The following AP5Z1 variants were observed in gnomAD, a reference collection of about 807,000 sequenced individuals.
AP5Z1 encodes the protein AP-5 complex subunit zeta-1.
A neutral mutation model predicts 83.0 loss-of-function variants in AP5Z1; 106 were observed. The ratio of observed to expected loss-of-function variants is 1.28; its 90% CI spans 1.09 to 1.50. AP5Z1 has a LOEUF of 1.50. AP5Z1 is among the 40% of genes most tolerant of loss of function. AP5Z1 has a pLI of 0.00. For missense variants in AP5Z1, 1,565 were observed against 1,094.2 expected (o/e 1.43, Z -6.07); for synonymous variants, 751 against 514.1 (o/e 1.46, Z -6.23).
intron 4 of AP5Z1, 95 bp downstream of exon 4, chr7:4,783,555 G>A: frequency 6.5e-7 from 1 of 1,549,056 alleles, no homozygotes; most frequent in Non-Finnish European, 8.8e-7. Flanking sequence ...GGGGGCAGGT[G>A]GGGGACACGG....
chr7:4,776,554 T>C (rs1161633527), intron 1 of AP5Z1, among the ~76,000 whole-genome samples: 1 of 109,350 alleles, frequency 9.1e-6, no homozygotes, highest in African/African-American at 4.2e-5. Flanking sequence ...ACGTCTCTAC[T>C]GAAAATACAA....
rs1237413236 is a variant in AP5Z1 at position 4,793,311 on chromosome 7, A to G, written c.*1926A>G. 6.6e-6 allele frequency: 1 copy of G among 152,266 alleles called. No individual in the cohort carries two copies. The highest frequency in any genetic ancestry group is 1.5e-5 in the Non-Finnish European group (1 of 68,054). 9.4% of individuals were successfully genotyped at this position (152,266 alleles called of 1,614,324 possible). A position where few individuals can be genotyped will look rare whatever the true frequency, so the allele number is the denominator to read the frequency against. On this transcript the variant is annotated 3_prime_UTR_variant, in exon 17 of 17. Transcript: ENST00000649063. ...ATAGTTTTTCAGATTTACAGAAAAGATGATAAACCTTAGAAACATTATATG... is the reference window on the plus strand; with the variant it reads ...ATAGTTTTTCAGATTTACAGAAAAGGTGATAAACCTTAGAAACATTATATG...
At position 4,790,817 on chromosome 7, in the gene AP5Z1, C is replaced by T; in HGVS notation, c.2083C>T (p.Pro695Ser). The stretch of plus-strand genomic sequence containing the variant: ...CTCTGCTGCCCTGCCCAGGTGTCCC[C>T]CCCAGGTGGTCACCGTGCTGATGAC... ...RPSAALPRCPPQVVTVLMTTL... is the reference protein window; with the variant it reads ...RPSAALPRCPSQVVTVLMTTL... Residue 695 changes from proline (P) to serine (S), a missense_variant, in exon 16 of 17, where the codon CCC becomes TCC. Transcript: ENST00000649063. 2 of 1,609,374 alleles carry T rather than the reference C, an allele frequency of 1.2e-6. No individual in the cohort carries two copies. The highest frequency in any genetic ancestry group is 1.7e-5 in the Admixed American group (1 of 59,662).
chr7:4,787,867 C>G, intron 11 of AP5Z1, 91 bp downstream of exon 11: 1 of 1,409,720 alleles, frequency 7.1e-7, no homozygotes, highest in South Asian at 1.4e-5. Context: ...ACCCCTACAC[C>G]GGGGACCCTC....
chr7:4,790,474 G>T lies in AP5Z1; in HGVS notation c.1821G>T (p.Gln607His), dbSNP rs371548702. The T allele has an allele frequency of 1.2e-5, 20 of 1,613,106 alleles. No individual in the cohort carries two copies. The highest frequency in any genetic ancestry group is 1.7e-5 in the Non-Finnish European group (20 of 1,179,888). ...TTCTGGGCAGTGTGCTGAGTTCTCA[G>T]TTCCTGGCCCTGTGTACGCTGAAAC... ...AAGVHSVLSSQFLALCTLKPS... is the reference protein window; with the variant it reads ...AAGVHSVLSSHFLALCTLKPS... The change falls in exon 15 of 17, where the codon CAG becomes CAT. Residue 607 changes from glutamine to histidine, a missense_variant. Gln to His is a conservative substitution (Grantham distance 24). Transcript: ENST00000649063.
intron 12 of AP5Z1, chr7:4,788,523 C>T (rs1302812089): frequency 3.5e-6 from 2 of 574,160 alleles, no homozygotes; most frequent in African/African-American, 1.9e-5. Context: ...CCCTCATAAG[C>T]TTGGAGGTTG....
In AP5Z1 at chr7:4,789,790, G is replaced by A. The variant is rs894790365; in HGVS notation, c.1708-42G>A. 1.1e-5 allele frequency: 16 copies of A among 1,505,688 alleles called. No homozygotes were observed. In the African/African-American group the frequency reaches 1.7e-4, roughly 16 times the overall value. 93.3% of individuals were successfully genotyped at this position (1,505,688 alleles called of 1,614,324 possible). A position where few individuals can be genotyped will look rare whatever the true frequency, so the allele number is the denominator to read the frequency against. On this transcript the variant is annotated intron_variant, in intron 13 of 16. Transcript: ENST00000649063. ...TTCACCCCCAACCTTAGGGCCTGCA[G>A]TGGGGGTGGGGCTGAGCCTGTTTCC...
In AP5Z1 at chr7:4,786,429, G is replaced by A; in HGVS notation, c.1311+1G>A. 10 of 1,613,578 alleles carry A rather than the reference G, an allele frequency of 6.2e-6. No individual in the cohort carries two copies. Among genetic ancestry groups the A allele is most frequent in the Non-Finnish European group, 7.6e-6 (9 of 1,179,810 alleles). ...ATTGAGCTTCCCCAACCTCTTTAAG[G>A]TATATTTGGGCATCCCTGGGTGCCA... On this transcript the variant is annotated splice_donor_variant, in intron 10 of 16. Transcript: ENST00000649063. LOFTEE classifies it high-confidence loss of function.
At position 4,794,217 on chromosome 7, in the gene AP5Z1, G is replaced by A. The variant is rs903424163; in HGVS notation, c.*2832G>A. The A allele has an allele frequency of 3.3e-5, 5 of 152,078 alleles. No homozygotes were observed. The highest frequency in any genetic ancestry group is 1.2e-4 in the African/African-American group (5 of 41,380). 9.4% of individuals were successfully genotyped at this position (152,078 alleles called of 1,614,324 possible). ...TGTGTCTAGCTCAGGGATTGTAAACGCACCAATCAGCACCCTGTCAAAACA... is the reference window on the plus strand; with the variant it reads ...TGTGTCTAGCTCAGGGATTGTAAACACACCAATCAGCACCCTGTCAAAACA... On this transcript the variant is annotated 3_prime_UTR_variant, in exon 17 of 17. Transcript: ENST00000649063.
chr7:4,787,479 C>G (rs1781584264), intron 10 of AP5Z1, 155 bp from the exon 11 acceptor site: 1 of 1,159,800 alleles, frequency 8.6e-7, no homozygotes, highest in Non-Finnish European at 1.2e-6. Context: ...GAGCAAGACC[C>G]TGTCTCAAAA....
At chr7:4,790,381 T>C (rs2115127909) in intron 14 of AP5Z1, 78 bp from the exon 15 acceptor site, 1 of 1,604,844 alleles carries the variant, frequency 6.2e-7, no homozygotes, top group Non-Finnish European at 8.5e-7. Flanking sequence ...CTTCCCGGGT[T>C]TCTCCAGGCC....
intron 9 of AP5Z1, 82 bp downstream of exon 9, chr7:4,785,766 T>G: frequency 7.4e-7 from 1 of 1,344,626 alleles, no homozygotes; most frequent in Non-Finnish European, 9.6e-7. Flanking sequence ...TTCCCTTTTT[T>G]TTTTTTTTTT....
chr7:4,790,633 G>A, intron 15 of AP5Z1, 40 bp from the exon 16 acceptor site: 1 of 1,612,332 alleles, frequency 6.2e-7, no homozygotes, highest in Non-Finnish European at 8.5e-7. Context: ...CCTGACCCAG[G>A]AGGCCTGGGT....
rs543176728 is a variant in AP5Z1 at position 4,779,414 on chromosome 7, A to G, written c.42-1761A>G. ...ATTATTATATATCATATATAACATGATAACATATATATCATATATAACATA... is the reference window on the plus strand; with the variant it reads ...ATTATTATATATCATATATAACATGGTAACATATATATCATATATAACATA... On this transcript the variant is annotated intron_variant, in intron 1 of 16. Transcript: ENST00000649063. Among the ~76,000 whole-genome samples, 140 of 138,702 alleles carry G rather than the reference A, an allele frequency of 1.0e-3. 1 individual carries two copies. Among genetic ancestry groups the G allele is most frequent in the African/African-American group, 4.0e-3 (131 of 32,758 alleles). The allele number at this position is 138,702 out of a possible 152,430, so 91.0% of individuals were successfully genotyped here. A position where few individuals can be genotyped will look rare whatever the true frequency, so the allele number is the denominator to read the frequency against.
chr7:4,787,268 G>A (rs1781576692), intron 10 of AP5Z1, among the ~76,000 whole-genome samples: 1 of 151,960 alleles, frequency 6.6e-6, no homozygotes, highest in South Asian at 2.1e-4. Context: ...CAAGGCAGGA[G>A]GATCTTGAGG....
chr7:4,783,582 G>A, intron 4 of AP5Z1, 107 bp from the exon 5 acceptor site: 2 of 1,532,184 alleles, frequency 1.3e-6, no homozygotes, highest in Non-Finnish European at 1.8e-6. Flanking sequence ...CCGAGGGTTT[G>A]GGACGCTGCA....
intron 10 of AP5Z1, 62 bp from the exon 11 acceptor site, chr7:4,787,572 C>T: frequency 6.6e-7 from 1 of 1,516,248 alleles, no homozygotes; most frequent in Non-Finnish European, 8.9e-7. Flanking sequence ...TAGCTGGCTC[C>T]TCCCTCTGCC....
intron 3 of AP5Z1, among the ~76,000 whole-genome samples, chr7:4,782,429 T>C (rs1781406709): frequency 6.6e-6 from 1 of 152,192 alleles, no homozygotes; most frequent in Admixed American, 6.5e-5. Flanking sequence ...CTGCTATCTC[T>C]GCTCATGGGT....
chr7:4,780,473 G>GC (rs1781349443), intron 1 of AP5Z1, among the ~76,000 whole-genome samples: 1 of 144,524 alleles, frequency 6.9e-6, no homozygotes, highest in Non-Finnish European at 1.5e-5. Flanking sequence ...GCAAAAATTA[G>GC]CCGGGCGTAG....
Sources: gnomAD v4.1 joint callset for allele counts (sites outside exome capture counted in the v4.1 genomes callset) on GRCh38, gnomAD v4.1.1 for gene constraint, MANE v1.5 for transcripts, NCBI Gene and HGNC (gene_info 2026-07-23, HGNC 2026-07-21) for gene names.